IPMK: variants seen among roughly 807,000 people sequenced by gnomAD.
The protein encoded by IPMK is inositol polyphosphate multikinase.
In IPMK, 17 loss-of-function variants were observed where a neutral mutation model predicts 45.8. The observed-to-expected ratio is 0.37, with a 90% CI of 0.25 to 0.56. The LOEUF is 0.56. IPMK is among the 20% of genes least tolerant of loss of function. The probability of loss-of-function intolerance (pLI) is 0.79; values close to 1 mark genes in which losing one functional copy is unlikely to be tolerated. For missense variants in IPMK, 399 were observed against 498.0 expected, an observed-to-expected ratio of 0.80 and a Z score of 1.89; for synonymous variants, 180 against 184.3, an observed-to-expected ratio of 0.98 and a Z score of 0.19.
intron 4 of IPMK, among the ~76,000 whole-genome samples, chr10:58,205,203 G>A (rs569597090): frequency 3.9e-5 from 6 of 151,914 alleles, no homozygotes; most frequent in Non-Finnish European, 8.8e-5. Flanking sequence ...CAAAAGCCTA[G>A]GTAACAAAAA....
At chr10:58,199,161 A>C (rs1237238497) in intron 5 of IPMK, 79 bp downstream of exon 5, 2 of 818,740 alleles carry the variant, frequency 2.4e-6, no homozygotes, top group African/African-American at 1.8e-5. Flanking sequence ...TCACTTTTCC[A>C]AATGACAACT....
Position 58,267,413 on chromosome 10 carries a change from C to G in IPMK, c.190+9G>C. 2 of 1,613,456 alleles carry G rather than the reference C, an allele frequency of 1.2e-6. No individual in the cohort carries two copies. Among genetic ancestry groups the G allele is most frequent in the Non-Finnish European group, 1.7e-6 (2 of 1,179,582 alleles). On this transcript the variant is annotated intron_variant, in intron 1 of 5. Transcript: ENST00000373935. ...GGGGAGCGGCGAGACCTATGCCACCCCCACTTACCCACTTTGTCCTTCCCG... is the reference window on the plus strand; with the variant it reads ...GGGGAGCGGCGAGACCTATGCCACCGCCACTTACCCACTTTGTCCTTCCCG...
chr10:58,199,932 T>C (rs1564527151), intron 4 of IPMK, among the ~76,000 whole-genome samples: 1 of 152,068 alleles, frequency 6.6e-6, no homozygotes, highest in Admixed American at 6.6e-5. Context: ...AAAGACCCCA[T>C]TTATAAAATG....
chr10:58,242,034 C>T (rs1281708071), intron 1 of IPMK, among the ~76,000 whole-genome samples: 1 of 151,736 alleles, frequency 6.6e-6, no homozygotes, highest in Non-Finnish European at 1.5e-5. Flanking sequence ...TTGCTACAGT[C>T]CTACACATGA....
At chr10:58,212,097 T>C (rs1159752680) in intron 4 of IPMK, among the ~76,000 whole-genome samples, 1 of 152,036 alleles carries the variant, frequency 6.6e-6, no homozygotes, top group Non-Finnish European at 1.5e-5. Context: ...CTTCAGATGT[T>C]GGCATTGCTA....
chr10:58,211,919 A>AAAAATAAAAAAAT (rs1838170717), intron 4 of IPMK, among the ~76,000 whole-genome samples: 64 of 148,284 alleles, frequency 4.3e-4, no homozygotes, highest in African/African-American at 1.7e-3. Context: ...AAAAAAAAAA[A>AAAAATAAAAAAAT]AAAAAATTTG....
intron 1 of IPMK, among the ~76,000 whole-genome samples, chr10:58,239,875 G>A (rs1305190362): frequency 6.6e-6 from 1 of 152,132 alleles, no homozygotes; most frequent in African/African-American, 2.4e-5. Flanking sequence ...CCTAGCACTA[G>A]CTCAACTAAA....
intron 1 of IPMK, among the ~76,000 whole-genome samples, chr10:58,248,860 A>G (rs1220695689): frequency 2.0e-5 from 3 of 152,192 alleles, no homozygotes. Flanking sequence ...TGTTGCTGCA[A>G]ATGACAGGAT....
intron 3 of IPMK, among the ~76,000 whole-genome samples, chr10:58,224,283 C>T (rs1050998598): frequency 3.3e-5 from 5 of 152,246 alleles, no homozygotes; most frequent in African/African-American, 1.2e-4. Flanking sequence ...CAAACCTACT[C>T]GATGTTATAC....
intron 4 of IPMK, among the ~76,000 whole-genome samples, chr10:58,208,385 C>G (rs531870641): frequency 1.3e-5 from 2 of 152,112 alleles, no homozygotes; most frequent in African/African-American, 4.8e-5. Context: ...GTGATCTTTT[C>G]GGGGTGTTAT....
At position 58,193,594 on chromosome 10, in the gene IPMK, T is replaced by C. The variant is rs1004761584; in HGVS notation, c.*2482A>G. 2 of 151,836 alleles carry C rather than the reference T, an allele frequency of 1.3e-5. No homozygotes were observed. Among genetic ancestry groups the C allele is most frequent in the Admixed American group, 1.3e-4 (2 of 15,250 alleles). The allele number at this position is 151,836 out of a possible 1,614,324, so 9.4% of individuals were successfully genotyped here. A position where few individuals can be genotyped will look rare whatever the true frequency, so the allele number is the denominator to read the frequency against. On this transcript the variant is annotated 3_prime_UTR_variant, in exon 6 of 6. Coordinates refer to ENST00000373935, the MANE Select transcript of IPMK (RefSeq NM_152230.5). ...AATTTAAATTTTTATTAGAGAAAGG[T>C]ATTATTCACATCCACAATTTCTTAA...
intron 1 of IPMK, among the ~76,000 whole-genome samples, chr10:58,255,655 T>G (rs1838956543): frequency 6.6e-6 from 1 of 152,146 alleles, no homozygotes; most frequent in Admixed American, 6.5e-5. Flanking sequence ...TTCTTTTTTT[T>G]TTCTTTTTTG....
chr10:58,267,442 A>G lies in IPMK; in HGVS notation c.170T>C (p.Met57Thr), dbSNP rs770211773. The change falls in exon 1 of 6, where the codon ATG becomes ACG. Residue 57 changes from methionine (M) to threonine (T), a missense_variant. Physicochemically the swap from Met to Thr is moderately conservative, Grantham distance 81. Coordinates refer to ENST00000373935, the MANE Select transcript of IPMK (RefSeq NM_152230.5). The part of the protein sequence containing the change: ...VPLSHQVAGH[M>T]YGKDKVGILQ... ...CTTACCCACTTTGTCCTTCCCGTAC[A>G]TGTGCCCGGCCACCTGATGCGAGAG... 1.1e-5 allele frequency: 17 copies of G among 1,613,734 alleles called. No homozygotes were observed. Among genetic ancestry groups the G allele is most frequent in the South Asian group, 1.1e-5 (1 of 91,060 alleles).
intron 1 of IPMK, among the ~76,000 whole-genome samples, chr10:58,244,406 G>A (rs12354913): frequency 0.12 from 18,316 of 147,716 alleles, 1,149 homozygotes; most frequent in Middle Eastern, 0.18. Flanking sequence ...CGTCTGGGAG[G>A]TGGGGAGCGC....
intron 1 of IPMK, among the ~76,000 whole-genome samples, chr10:58,262,756 T>C (rs905257928): frequency 6.6e-6 from 1 of 152,176 alleles, no homozygotes; most frequent in Admixed American, 6.5e-5. Flanking sequence ...TTTAAAAACA[T>C]TGAGATGTGA....
At chr10:58,241,688 T>C (rs1353457342) in intron 1 of IPMK, among the ~76,000 whole-genome samples, 1 of 152,090 alleles carries the variant, frequency 6.6e-6, no homozygotes. Flanking sequence ...AAGGTCACCT[T>C]CTCACTGTGT....
Position 58,196,139 on chromosome 10 carries a change from A to T in IPMK, c.1188T>A (p.Asp396Glu). 1.9e-6 allele frequency: 3 copies of T among 1,613,914 alleles called. No homozygotes were observed. Among genetic ancestry groups the T allele is most frequent in the Non-Finnish European group, 2.5e-6 (3 of 1,179,828 alleles). The change falls in exon 6 of 6, where the codon GAT (aspartate) becomes GAA (glutamate). Residue 396 changes from aspartate to glutamate, a missense_variant. By Grantham distance (45) the Asp-to-Glu change is conservative. Transcript: ENST00000373935. ...FAHVFPSNTI[D>E]EGYVYGLKHL... Reference sequence around the variant, plus strand: ...GCTTTAGCCCATAAACATATCCCTCATCTATTGTGTTGCTAGGGAACACAT... The same window carrying T: ...GCTTTAGCCCATAAACATATCCCTCTTCTATTGTGTTGCTAGGGAACACAT...
At chr10:58,266,110 T>C (rs1347775569) in intron 1 of IPMK, among the ~76,000 whole-genome samples, 1 of 152,190 alleles carries the variant, frequency 6.6e-6, no homozygotes, top group Non-Finnish European at 1.5e-5. Context: ...CTTGAGGACG[T>C]TGTTTCTTTA....
chr10:58,240,047 C>G (rs1362460030), intron 1 of IPMK, among the ~76,000 whole-genome samples: 1 of 152,014 alleles, frequency 6.6e-6, no homozygotes, highest in Non-Finnish European at 1.5e-5. Flanking sequence ...AAACATAAAG[C>G]ACAATCAAGA....
Sources: gnomAD v4.1 joint callset for allele counts (sites outside exome capture counted in the v4.1 genomes callset) on GRCh38, gnomAD v4.1.1 for gene constraint, MANE v1.5 for transcripts, NCBI Gene and HGNC (gene_info 2026-07-23, HGNC 2026-07-21) for gene names.